CTDP1: variants seen among roughly 807,000 people sequenced by gnomAD.
The protein encoded by CTDP1 is CTD phosphatase 1, also known as RNA polymerase II subunit A C-terminal domain phosphatase.
In CTDP1, 47 loss-of-function variants were observed where a neutral mutation model predicts 91.8. That is an observed-to-expected ratio of 0.51 (90% CI 0.41 to 0.65). The LOEUF (loss-of-function observed/expected upper bound fraction) is 0.65. Ranked by LOEUF, CTDP1 falls within the 30% of genes least tolerant of loss-of-function variation. The pLI is 0.00. For missense variants in CTDP1, 1,272 were observed against 1,373.7 expected (o/e 0.93, Z 1.17); for synonymous variants, 656 against 598.5 (o/e 1.10, Z -1.40).
upstream of CTDP1, chr18:79,678,555 T>C (rs2085283756): frequency 6.6e-6 from 1 of 152,186 alleles, no homozygotes; most frequent in Non-Finnish European, 1.5e-5. Flanking sequence ...ATAAACTCTC[T>C]ACTTAGAGAA....
chr18:79,752,059 G>C (rs1398122295), intron 12 of CTDP1, among the ~76,000 whole-genome samples: 2 of 152,236 alleles, frequency 1.3e-5, no homozygotes, highest in Non-Finnish European at 2.9e-5. Flanking sequence ...ACGGCACCAG[G>C]AGGGAGGGTG....
In CTDP1 at chr18:79,712,995, C is replaced by T; in HGVS notation, c.887C>T (p.Ser296Leu). The change falls in exon 7 of 13, where the codon TCA becomes TTA. Residue 296 changes from serine to leucine, a missense_variant. Transcript: ENST00000613122. Reference protein sequence around the residue: ...NLRNLFPCGDSMVCIIDDRED... With the variant: ...NLRNLFPCGDLMVCIIDDRED... ...AGAAATCTCTTTCCTTGTGGAGACT[C>T]AATGGTTTGCATTATTGATGATCGA... 5 of 1,614,084 alleles carry T rather than the reference C, an allele frequency of 3.1e-6. No individual in the cohort carries two copies. Among genetic ancestry groups the T allele is most frequent in the Non-Finnish European group, 4.2e-6 (5 of 1,180,006 alleles).
intron 11 of CTDP1, among the ~76,000 whole-genome samples, chr18:79,732,491 A>C (rs2086586443): frequency 9.6e-6 from 1 of 104,000 alleles, no homozygotes; most frequent in African/African-American, 3.9e-5. Flanking sequence ...ATGAGAACTC[A>C]CATCAGGAGT....
chr18:79,690,813 G>A (rs1407616884), intron 1 of CTDP1, among the ~76,000 whole-genome samples: 1 of 152,214 alleles, frequency 6.6e-6, no homozygotes, highest in African/African-American at 2.4e-5. Context: ...CTGGGGTGGG[G>A]GGTGGAGCAG....
chr18:79,679,285 C>CG (rs373842031), upstream of CTDP1: 3,792 of 399,936 alleles, frequency 9.5e-3, 109 homozygotes, highest in African/African-American at 0.067. Context: ...GCGTGGGGTC[C>CG]GGGGGGGGAC....
chr18:79,727,347 G>GCGGGATGGGAAGCGTGGCGTTCA (rs1568206486), intron 10 of CTDP1, among the ~76,000 whole-genome samples: 4 of 152,184 alleles, frequency 2.6e-5, no homozygotes, highest in Non-Finnish European at 5.9e-5. Flanking sequence ...CGCGGTGTTC[G>GCGGGATGGGAAGCGTGGCGTTCA]CGGGATGGGA....
intron 12 of CTDP1, among the ~76,000 whole-genome samples, chr18:79,750,834 G>A (rs988297050): frequency 6.6e-6 from 1 of 151,822 alleles, no homozygotes; most frequent in African/African-American, 2.4e-5. Context: ...TTAAATGATG[G>A]GATGCATTGC....
chr18:79,678,831 G>A (rs1010033148), upstream of CTDP1: 8 of 154,206 alleles, frequency 5.2e-5, no homozygotes, highest in African/African-American at 1.9e-4. Context: ...CTCAGCCACC[G>A]CGCCTGGCTA....
At chr18:79,712,860 T>G in intron 6 of CTDP1, 112 bp from the exon 7 acceptor site, 1 of 1,162,416 alleles carries the variant, frequency 8.6e-7, no homozygotes, top group South Asian at 1.3e-5. Context: ...CTGATTAACC[T>G]GCTGTCTGCT....
At chr18:79,680,388 C>T in intron 1 of CTDP1, 127 bp downstream of exon 1, 1 of 720,492 alleles carries the variant, frequency 1.4e-6, no homozygotes, top group East Asian at 3.6e-5. Flanking sequence ...AAGCGGGACG[C>T]AGGCACTGCG....
chr18:79,679,278 T>TG, upstream of CTDP1: 1 of 391,658 alleles, frequency 2.6e-6, no homozygotes, highest in South Asian at 1.8e-5. Flanking sequence ...TCCCGCGGCG[T>TG]GGGGTCCGGG....
In CTDP1 at chr18:79,714,973, C is replaced by G. The variant is rs1437225096; in HGVS notation, c.1513C>G (p.Pro505Ala). 6.4e-7 allele frequency: 1 copy of G among 1,569,278 alleles called. No homozygotes were observed. Among genetic ancestry groups the G allele is most frequent in the Non-Finnish European group, 8.6e-7 (1 of 1,157,930 alleles). The stretch of plus-strand genomic sequence containing the variant: ...GCTGGCACAGGGCAGTTCCCTGGAG[C>G]CGGGGCGGCCTGCAGCACCGAGTCT... ...GALAQGSSLE[P>A]GRPAAPSLPG... Residue 505 changes from proline (P) to alanine (A), a missense_variant, in exon 8 of 13, where the codon CCG becomes GCG. Physicochemically the swap from Pro to Ala is conservative, Grantham distance 27. Coordinates refer to ENST00000613122, the MANE Select transcript of CTDP1 (RefSeq NM_004715.5).
At chr18:79,741,661 C>G (rs985833138) in intron 12 of CTDP1, among the ~76,000 whole-genome samples, 2 of 152,248 alleles carry the variant, frequency 1.3e-5, no homozygotes, top group African/African-American at 2.4e-5. Context: ...GATCCCAACA[C>G]TCAGCTCTTC....
chr18:79,719,345 C>A (rs1322872850), intron 10 of CTDP1, among the ~76,000 whole-genome samples: 2 of 151,836 alleles, frequency 1.3e-5, no homozygotes, highest in Non-Finnish European at 2.9e-5. Flanking sequence ...CTGCGGGCAG[C>A]TGGGCCGGTG....
At chr18:79,750,783 G>A (rs888449052) in intron 12 of CTDP1, among the ~76,000 whole-genome samples, 1 of 151,116 alleles carries the variant, frequency 6.6e-6, no homozygotes, top group Non-Finnish European at 1.5e-5. Flanking sequence ...CAAAGTGCTG[G>A]TATTACAGGT....
intron 12 of CTDP1, among the ~76,000 whole-genome samples, chr18:79,739,071 T>C (rs1165324725): frequency 2.6e-5 from 4 of 152,186 alleles, no homozygotes; most frequent in African/African-American, 7.2e-5. Flanking sequence ...TGCCCTCCCC[T>C]GAAGACCCTC....
At chr18:79,744,971 C>T (rs1216128177) in intron 12 of CTDP1, among the ~76,000 whole-genome samples, 1 of 152,146 alleles carries the variant, frequency 6.6e-6, no homozygotes, top group Non-Finnish European at 1.5e-5. Context: ...GGCCGTGGAG[C>T]AGGAGTGTCC....
chr18:79,698,350 G>A (rs899789650), intron 4 of CTDP1, among the ~76,000 whole-genome samples: 2 of 152,166 alleles, frequency 1.3e-5, no homozygotes, highest in Non-Finnish European at 2.9e-5. Flanking sequence ...TGGGGAGGAC[G>A]TTGGTGTTGG....
In CTDP1 at chr18:79,729,082, C is replaced by T. The variant is rs763663834; in HGVS notation, c.2580+13C>T. On this transcript the variant is annotated intron_variant, in intron 11 of 12. Coordinates refer to ENST00000613122, the MANE Select transcript of CTDP1 (RefSeq NM_004715.5). Reference sequence around the variant, plus strand: ...TATGGACAAAGAGGTGAGCCAACCCCACGCCCCGGTGCCCGCGCCAGCGCT... The same window carrying T: ...TATGGACAAAGAGGTGAGCCAACCCTACGCCCCGGTGCCCGCGCCAGCGCT... 3.7e-6 allele frequency: 6 copies of T among 1,612,420 alleles called. No individual in the cohort carries two copies. Among genetic ancestry groups the T allele is most frequent in the South Asian group, 1.1e-5 (1 of 91,008 alleles).
Sources: gnomAD v4.1 joint callset for allele counts (sites outside exome capture counted in the v4.1 genomes callset) on GRCh38, gnomAD v4.1.1 for gene constraint, MANE v1.5 for transcripts, NCBI Gene and HGNC (gene_info 2026-07-23, HGNC 2026-07-21) for gene names.